The following ZNF700 variants were observed in gnomAD, a reference collection of about 807,000 sequenced individuals.
ZNF700 encodes the protein zinc finger protein 700.
A neutral mutation model predicts 65.3 loss-of-function variants in ZNF700; 38 were observed. The ratio of observed to expected loss-of-function variants is 0.58; its 90% CI spans 0.45 to 0.76. The LOEUF is 0.76. ZNF700 is among the 30% of genes least tolerant of loss of function. ZNF700 has a pLI of 0.00. For missense variants in ZNF700, 857 were observed against 888.4 expected (o/e 0.96, Z 0.45); for synonymous variants, 285 against 290.4 (o/e 0.98, Z 0.19).
intron 1 of ZNF700, among the ~76,000 whole-genome samples, chr19:11,942,914 C>G (rs1011182002): frequency 2.6e-5 from 4 of 152,296 alleles, no homozygotes; most frequent in South Asian, 2.1e-4. Context: ...CTTATTCCCC[C>G]CTTTGAGAAT....
intron 1 of ZNF700, among the ~76,000 whole-genome samples, chr19:11,931,626 A>G (rs1972714900): frequency 6.7e-6 from 1 of 148,362 alleles, no homozygotes; most frequent in African/African-American, 2.6e-5. Context: ...AACAAACTGC[A>G]CTGTAAATTT....
At chr19:11,947,660 C>CT in intron 3 of ZNF700, 86 bp downstream of exon 3, 1 of 1,217,668 alleles carries the variant, frequency 8.2e-7, no homozygotes, top group Admixed American at 2.2e-5. Flanking sequence ...AAACAAAGAA[C>CT]TAAATCCAGC....
At chr19:11,933,834 G>A (rs1454425640) in intron 1 of ZNF700, among the ~76,000 whole-genome samples, 1 of 139,920 alleles carries the variant, frequency 7.1e-6, no homozygotes, top group Non-Finnish European at 1.5e-5. Flanking sequence ...GACGGAGCAA[G>A]ACTCCATCTC....
At position 11,948,419 on chromosome 19, in the gene ZNF700, C is replaced by G. The variant is rs374994874; in HGVS notation, c.395C>G (p.Ala132Gly). Residue 132 changes from alanine (A) to glycine (G), a missense_variant, in exon 4 of 4, where the codon GCA becomes GGA. Physicochemically the swap from Ala to Gly is moderately conservative, Grantham distance 60. Transcript: ENST00000254321. ...EVKSCDSFVC[A>G]EVGIGNSSFN... ...AAATCATGTGACAGCTTTGTGTGTG[C>G]AGAAGTTGGCATAGGTAACTCATCT... The G allele has an allele frequency of 3.7e-6, 6 of 1,614,066 alleles. No individual in the cohort carries two copies. The highest frequency in any genetic ancestry group is 3.3e-5 in the Admixed American group (2 of 60,012).
At position 11,934,357 on chromosome 19, in the gene ZNF700, C is replaced by G. The variant is rs147704559; in HGVS notation, c.63+9084C>G. Among the ~76,000 whole-genome samples, 27 of 147,794 alleles carry G rather than the reference C, an allele frequency of 1.8e-4. 1 individual carries two copies. The East Asian group carries it at 5.2e-3, about 29-fold the overall frequency. On this transcript the variant is annotated intron_variant, in intron 1 of 3. Transcript: ENST00000254321. ...AGGACCATGCTTATTTTCTTCAGAC[C>G]TCCGCAGACTGTCTTCCGAATTGGC...
At chr19:11,942,753 A>G (rs1243668016) in intron 1 of ZNF700, among the ~76,000 whole-genome samples, 3 of 152,186 alleles carry the variant, frequency 2.0e-5, no homozygotes, top group African/African-American at 7.2e-5. Context: ...TAGATAATAC[A>G]AGTGGTTAGG....
At position 11,934,629 on chromosome 19, in the gene ZNF700, C is replaced by T. The variant is rs139059788; in HGVS notation, c.63+9356C>T. ...GCAGCCTCTGCCTCCCAGGTTCAAA[C>T]GATTCTCCTGACTCAGCCTCCAGAG... On this transcript the variant is annotated intron_variant, in intron 1 of 3. Transcript: ENST00000254321. 6.1e-5 allele frequency among the ~76,000 whole-genome samples: 9 copies of T among 146,786 alleles called. 1 individual carries two copies. The highest frequency in any genetic ancestry group is 1.1e-4 in the African/African-American group (4 of 37,296).
chr19:11,932,323 A>G (rs947586412), intron 1 of ZNF700, among the ~76,000 whole-genome samples: 2 of 147,820 alleles, frequency 1.4e-5, no homozygotes, highest in African/African-American at 5.3e-5. Context: ...CAGCCTGGGT[A>G]ACAGAACGAG....
At chr19:11,932,501 A>G (rs1320041589) in intron 1 of ZNF700, among the ~76,000 whole-genome samples, 2 of 148,514 alleles carry the variant, frequency 1.3e-5, no homozygotes, top group Non-Finnish European at 2.9e-5. Context: ...GAGTTGCACA[A>G]TGAATCCAAA....
intron 1 of ZNF700, among the ~76,000 whole-genome samples, chr19:11,941,249 C>A (rs984411206): frequency 2.0e-5 from 3 of 152,258 alleles, no homozygotes; most frequent in Non-Finnish European, 4.4e-5. Context: ...GGATCCTGCA[C>A]CAGGGCTGCA....
intron 2 of ZNF700, 66 bp downstream of exon 2, chr19:11,947,373 G>A: frequency 6.2e-7 from 1 of 1,609,000 alleles, no homozygotes; most frequent in East Asian, 2.2e-5. Context: ...CATGAATGCT[G>A]TTGAGTGATT....
At chr19:11,943,579 G>C (rs1972917358) in intron 1 of ZNF700, among the ~76,000 whole-genome samples, 1 of 152,050 alleles carries the variant, frequency 6.6e-6, no homozygotes, top group Non-Finnish European at 1.5e-5. Flanking sequence ...ATCATGGGAG[G>C]CTCAGATGGG....
intron 1 of ZNF700, among the ~76,000 whole-genome samples, chr19:11,945,650 C>T (rs1033174487): frequency 5.3e-5 from 8 of 152,010 alleles, no homozygotes; most frequent in Non-Finnish European, 4.4e-5. Flanking sequence ...ACACCTTTGA[C>T]CATCACTTAG....
chr19:11,936,109 G>T (rs577781245), intron 1 of ZNF700, among the ~76,000 whole-genome samples: 1 of 152,234 alleles, frequency 6.6e-6, no homozygotes, highest in East Asian at 1.9e-4. Flanking sequence ...GTCTATCATT[G>T]GTGGACATTT....
intron 1 of ZNF700, among the ~76,000 whole-genome samples, chr19:11,936,441 TTGA>T (rs1972797127): frequency 6.6e-6 from 1 of 152,194 alleles, no homozygotes; most frequent in African/African-American, 2.4e-5. Context: ...ATGACCAGTG[TTGA>T]TGAGCATTTT....
chr19:11,940,986 G>T (rs1319254262), intron 1 of ZNF700, among the ~76,000 whole-genome samples: 3 of 151,892 alleles, frequency 2.0e-5, no homozygotes, highest in African/African-American at 7.3e-5. Flanking sequence ...GCTAGATACA[G>T]AGTGCCGATT....
intron 1 of ZNF700, among the ~76,000 whole-genome samples, chr19:11,940,318 G>A (rs182189968): frequency 1.3e-5 from 2 of 152,296 alleles, no homozygotes; most frequent in African/African-American, 4.8e-5. Context: ...CAAAAATGAA[G>A]CCGTGGACCC....
rs1234242872 is a variant in ZNF700 at position 11,943,353 on chromosome 19, A to C, written c.64-3828A>C. The stretch of plus-strand genomic sequence containing the variant: ...CTAGCAAGTAGTCTAGGGCCAGTCT[A>C]TTTTGATAGATAGCATTTTTCATCT... On this transcript the variant is annotated intron_variant, in intron 1 of 3. Coordinates refer to ENST00000254321, the MANE Select transcript of ZNF700 (RefSeq NM_144566.3). 3.3e-5 allele frequency among the ~76,000 whole-genome samples: 5 copies of C among 152,172 alleles called. 1 individual carries two copies. The highest frequency in any genetic ancestry group is 7.3e-5 in the Non-Finnish European group (5 of 68,028).
Position 11,948,485 on chromosome 19 carries a change from A to AT in ZNF700, c.462dup (p.Glu155Ter). ...AGAGGTGACACTGGACACAAGGCAT[A>AT]TGAGTATCAGGAATATGGACCAAAG... On this transcript the variant is annotated frameshift_variant, in exon 4 of 4. Transcript: ENST00000254321. LOFTEE classifies it high-confidence loss of function. 6.2e-7 allele frequency: 1 copy of AT among 1,614,130 alleles called. No homozygotes were observed. Among genetic ancestry groups the AT allele is most frequent in the Non-Finnish European group, 8.5e-7 (1 of 1,180,006 alleles).
Sources: gnomAD v4.1 joint callset for allele counts (sites outside exome capture counted in the v4.1 genomes callset) on GRCh38, gnomAD v4.1.1 for gene constraint, MANE v1.5 for transcripts, NCBI Gene and HGNC (gene_info 2026-07-23, HGNC 2026-07-21) for gene names.